The following EGFR variants were observed in gnomAD, a reference collection of about 807,000 sequenced individuals.
The protein encoded by EGFR is epidermal growth factor receptor, also known as avian erythroblastic leukemia viral (v-erb-b) oncogene homolog.
Under a neutral mutation model 143.0 loss-of-function variants are expected in EGFR, and 58 were observed. The ratio of observed to expected loss-of-function variants is 0.41; its 90% CI spans 0.33 to 0.50. The LOEUF (loss-of-function observed/expected upper bound fraction) is 0.50. EGFR is among the 20% of genes least tolerant of loss of function. EGFR has a pLI of 0.39. For missense variants in EGFR, 1,307 were observed against 1,579.0 expected, an observed-to-expected ratio of 0.83 and a Z score of 2.92; for synonymous variants, 613 against 594.4, an observed-to-expected ratio of 1.03 and a Z score of -0.45.
chr7:55,196,178 A>ATTT (rs61541412), intron 22 of EGFR, among the ~76,000 whole-genome samples: 1 of 88,126 alleles, frequency 1.1e-5, no homozygotes, highest in Non-Finnish European at 2.0e-5. Context: ...ATGTGTTGGG[A>ATTT]TTTTTTTTTT....
At chr7:55,064,529 G>A (rs996927800) in intron 1 of EGFR, among the ~76,000 whole-genome samples, 1 of 152,198 alleles carries the variant, frequency 6.6e-6, no homozygotes, top group Non-Finnish European at 1.5e-5. Context: ...AACAGAGATT[G>A]TAAAGTGATT....
chr7:55,060,349 T>C (rs940766121), intron 1 of EGFR, among the ~76,000 whole-genome samples: 15 of 152,248 alleles, frequency 9.9e-5, no homozygotes, highest in African/African-American at 3.4e-4. Flanking sequence ...GTTTCCCTTC[T>C]GGATTATTTC....
intron 1 of EGFR, among the ~76,000 whole-genome samples, chr7:55,036,269 TGTGGGG>T (rs1787566389): frequency 5.9e-5 from 1 of 16,830 alleles, no homozygotes; most frequent in Admixed American, 9.9e-4. Flanking sequence ...TTTGTGTGTG[TGTGGGG>T]GGGGGGGGGT....
intron 1 of EGFR, among the ~76,000 whole-genome samples, chr7:55,028,393 A>G (rs756406434): frequency 6.6e-6 from 1 of 152,332 alleles, no homozygotes; most frequent in South Asian, 2.1e-4. Flanking sequence ...GAATAAAAAC[A>G]AACCACTTAG....
At chr7:55,104,539 T>C (rs1348506241) in intron 1 of EGFR, among the ~76,000 whole-genome samples, 2 of 152,204 alleles carry the variant, frequency 1.3e-5, no homozygotes, top group African/African-American at 4.8e-5. Context: ...GTGGGGGTTA[T>C]CTGAAGGATT....
intron 15 of EGFR, among the ~76,000 whole-genome samples, chr7:55,168,084 T>A (rs2128949135): frequency 6.6e-6 from 1 of 152,348 alleles, no homozygotes; most frequent in South Asian, 2.1e-4. Flanking sequence ...CAATGTAAGA[T>A]TCTTCATATT....
chr7:55,160,115 T>A, intron 11 of EGFR, 24 bp from the exon 12 acceptor site: 2 of 1,613,412 alleles, frequency 1.2e-6, no homozygotes, highest in South Asian at 1.1e-5. Flanking sequence ...TTTCACCACA[T>A]GATTTTTCTT....
At chr7:55,150,849 C>T (rs895750880) in intron 4 of EGFR, among the ~76,000 whole-genome samples, 1 of 152,188 alleles carries the variant, frequency 6.6e-6, no homozygotes, top group African/African-American at 2.4e-5. Context: ...TATTTACAGG[C>T]TATGACTTAA....
At chr7:55,098,421 A>C (rs1334917014) in intron 1 of EGFR, among the ~76,000 whole-genome samples, 1 of 152,182 alleles carries the variant, frequency 6.6e-6, no homozygotes, top group Non-Finnish European at 1.5e-5. Flanking sequence ...CATAGAATGA[A>C]ATACTCTTCA....
chr7:55,096,339 G>A (rs1174651991), intron 1 of EGFR, among the ~76,000 whole-genome samples: 2 of 152,198 alleles, frequency 1.3e-5, no homozygotes, highest in African/African-American at 2.4e-5. Flanking sequence ...TAAGAATTCC[G>A]TGATGTGTAC....
chr7:55,048,145 A>T (rs1788287000), intron 1 of EGFR, among the ~76,000 whole-genome samples: 2 of 152,184 alleles, frequency 1.3e-5, no homozygotes, highest in Non-Finnish European at 2.9e-5. Flanking sequence ...GCTAATAAAG[A>T]TGATAATAAA....
At position 55,019,028 on chromosome 7, in the gene EGFR, C is replaced by A; in HGVS notation, c.-250C>A. 1 of 219,526 alleles carries A rather than the reference C, an allele frequency of 4.6e-6. No individual in the cohort carries two copies. The allele number at this position is 219,526 out of a possible 1,614,324, so 13.6% of individuals were successfully genotyped here. On this transcript the variant is annotated 5_prime_UTR_variant, in exon 1 of 28. Transcript: ENST00000275493. ...GGCCCGCGCGAGCTAGACGTCCGGGCAGCCCCCGGCGCAGCGCGGCCGCAG... is the reference window on the plus strand; with the variant it reads ...GGCCCGCGCGAGCTAGACGTCCGGGAAGCCCCCGGCGCAGCGCGGCCGCAG...
chr7:55,052,877 T>A (rs780582692), intron 1 of EGFR, among the ~76,000 whole-genome samples: 2 of 152,136 alleles, frequency 1.3e-5, no homozygotes, highest in African/African-American at 4.8e-5. Flanking sequence ...CTCGCACAGC[T>A]CTTGACTCAT....
intron 20 of EGFR, among the ~76,000 whole-genome samples, chr7:55,187,544 G>A (rs1787195158): frequency 6.6e-6 from 1 of 152,168 alleles, no homozygotes; most frequent in African/African-American, 2.4e-5. Context: ...CTTCTGTCTA[G>A]GAATAGGACA....
chr7:55,053,296 G>A (rs1336725010), intron 1 of EGFR, among the ~76,000 whole-genome samples: 1 of 152,148 alleles, frequency 6.6e-6, no homozygotes, highest in Non-Finnish European at 1.5e-5. Flanking sequence ...AGATGTCCTC[G>A]ACCTCTGGAA....
At chr7:55,146,798 G>A (rs1377008246) in intron 4 of EGFR, 58 bp downstream of exon 4, 9 of 1,610,684 alleles carry the variant, frequency 5.6e-6, no homozygotes, top group Non-Finnish European at 7.6e-6. Context: ...CAGCTCTACA[G>A]CACTGGGGCA....
intron 12 of EGFR, 137 bp downstream of exon 12, chr7:55,160,475 C>T: frequency 1.0e-6 from 1 of 985,580 alleles, no homozygotes; most frequent in South Asian, 1.6e-5. Context: ...TCTTAAGATT[C>T]CTAACTGTGA....
At chr7:55,070,888 A>G (rs1789782813) in intron 1 of EGFR, among the ~76,000 whole-genome samples, 1 of 152,260 alleles carries the variant, frequency 6.6e-6, no homozygotes, top group Admixed American at 6.5e-5. Context: ...AAAAGAAATT[A>G]ATAAAGCCGG....
intron 20 of EGFR, among the ~76,000 whole-genome samples, chr7:55,184,194 G>A (rs974342316): frequency 7.9e-5 from 12 of 152,278 alleles, no homozygotes; most frequent in Admixed American, 3.9e-4. Flanking sequence ...CCTTCGCATC[G>A]CCCACCACAG....
Sources: gnomAD v4.1 joint callset for allele counts (sites outside exome capture counted in the v4.1 genomes callset) on GRCh38, gnomAD v4.1.1 for gene constraint, MANE v1.5 for transcripts, NCBI Gene and HGNC (gene_info 2026-07-23, HGNC 2026-07-21) for gene names.